The following PSRC1 variants were observed in gnomAD, a reference collection of about 807,000 sequenced individuals.
PSRC1 encodes proline/serine-rich coiled-coil protein 1.
A neutral mutation model predicts 31.9 loss-of-function variants in PSRC1; 30 were observed. The ratio of observed to expected loss-of-function variants is 0.94; its 90% CI spans 0.70 to 1.28. The LOEUF is 1.28. Among genes scored for constraint, PSRC1 ranks in the 50% most tolerant of loss-of-function variants. PSRC1 has a pLI of 0.00. For missense variants in PSRC1, 481 were observed against 472.8 expected, an observed-to-expected ratio of 1.02 and a Z score of -0.16; for synonymous variants, 191 against 192.1, an observed-to-expected ratio of 0.99 and a Z score of 0.05.
At chr1:109,280,372 T>C (rs2101333443) in intron 6 of PSRC1, 24 bp downstream of exon 7, 1 of 1,575,680 alleles carries the variant, frequency 6.3e-7, no homozygotes, top group Non-Finnish European at 8.7e-7. Flanking sequence ...GGAGACAGGA[T>C]GGGCAAGGGA....
exon 6 of PSRC1, chr1:109,280,441 C>T: frequency 6.2e-7 from 1 of 1,613,552 alleles, no homozygotes; most frequent in Non-Finnish European, 8.5e-7. Flanking sequence ...CTGCAGATTG[C>T]TGCGAGTGGC....
rs1361434771 is a variant in PSRC1, at chr1:109,280,162, G to T, written c.1089-6C>A. 1.2e-6 allele frequency: 2 copies of T among 1,613,360 alleles called. No homozygotes were observed. Among genetic ancestry groups the T allele is most frequent in the East Asian group, 2.2e-5 (1 of 44,888 alleles). ...TGCTGTCCTGATCTCTTTACCTAAAGAAATAGAAGGAATAACTGCTTTAAA... is the reference window on the plus strand; with the variant it reads ...TGCTGTCCTGATCTCTTTACCTAAATAAATAGAAGGAATAACTGCTTTAAA... On this transcript the variant is annotated splice_region_variant and splice_polypyrimidine_tract_variant and intron_variant, in intron 6 of 6. Coordinates refer to ENST00000409138, the Ensembl canonical transcript of PSRC1.
chr1:109,281,829 C>T (rs1557750478), exon 4 of PSRC1: 4 of 1,613,884 alleles, frequency 2.5e-6, no homozygotes, highest in Admixed American at 3.3e-5. Context: ...GGCGAGGCCC[C>T]AGGCCCTCGC....
exon 1 of PSRC1, chr1:109,283,098 T>C: frequency 3.5e-6 from 1 of 283,596 alleles, no homozygotes; most frequent in Non-Finnish European, 6.7e-6. Flanking sequence ...CCGCGCCGCC[T>C]TATCTTCCAC....
intron 5 of PSRC1, 36 bp downstream of exon 6, chr1:109,280,741 G>A (rs754518659): frequency 8.0e-6 from 12 of 1,504,520 alleles, no homozygotes; most frequent in Non-Finnish European, 1.1e-5. Flanking sequence ...AGGACACGCT[G>A]GGCAAGGGCG....
At chr1:109,282,599 G>C (rs767046200) in intron 2 of PSRC1, 24 bp from the exon 3 acceptor site, 1 of 1,613,020 alleles carries the variant, frequency 6.2e-7, no homozygotes, top group Non-Finnish European at 8.5e-7. Flanking sequence ...AAGAATGAAA[G>C]CCAGTCATGG....
At chr1:109,280,936 T>A in exon 5 of PSRC1, 1 of 1,613,364 alleles carries the variant, frequency 6.2e-7, no homozygotes, top group Non-Finnish European at 8.5e-7. Flanking sequence ...GCCGAGGGAA[T>A]GGGCAGTTGA....
chr1:109,280,788 C>T (rs920387969), exon 5 of PSRC1: 1 of 1,569,918 alleles, frequency 6.4e-7, no homozygotes, highest in African/African-American at 1.4e-5. Flanking sequence ...CTTGTGTCCA[C>T]TTTCCCGCAC....
chr1:109,282,383 T>A, intron 3 of PSRC1, 135 bp downstream of exon 3: 1 of 767,708 alleles, frequency 1.3e-6, no homozygotes, highest in Non-Finnish European at 2.2e-6. Flanking sequence ...GAGGCCCGAG[T>A]CAGCCAGCCG....
At chr1:109,281,162 G>A (rs372725080) in exon 5 of PSRC1, 261 of 1,613,340 alleles carry the variant, frequency 1.6e-4, no homozygotes, top group Middle Eastern at 1.3e-3. Flanking sequence ...CACTGGGCCC[G>A]GCTCTCCCCC....
At chr1:109,280,008 C>A in exon 7 of PSRC1, 2 of 1,017,048 alleles carry the variant, frequency 2.0e-6, no homozygotes, top group Non-Finnish European at 3.1e-6. Context: ...ATGGTCTCTA[C>A]TCCTGGGAGA....
chr1:109,282,563 A>G, exon 3 of PSRC1: 3 of 1,614,140 alleles, frequency 1.9e-6, no homozygotes, highest in Non-Finnish European at 2.5e-6. Flanking sequence ...CTCATCCACA[A>G]TAAACCTTAC....
Position 109,281,634 on chromosome 1 carries a change from G to A in PSRC1, c.504C>T (p.Pro168=), listed in dbSNP as rs115275666. Residue 168 remains proline, a synonymous_variant, in exon 4 of 7, where the codon CCC becomes CCT. Transcript: ENST00000409138. ...CTCAACTCACCCTCTTCATGTTGGA[G>A]GGCCTCTTTCCAGATGTAGCCCGGA... The A allele has an allele frequency of 6.5e-5, 105 of 1,611,650 alleles. No individual in the cohort carries two copies. The African/African-American group carries it at 1.3e-3, about 20-fold the overall frequency.
exon 2 of PSRC1, chr1:109,282,687 C>A: frequency 1.3e-6 from 2 of 1,556,612 alleles, no homozygotes; most frequent in East Asian, 2.4e-5. Context: ...TACCTTCCTC[C>A]AAATCCTCCA....
rs959932360 is a variant in PSRC1 at position 109,280,166 on chromosome 1, T to C, written c.1089-10A>G. 5.6e-6 allele frequency: 9 copies of C among 1,613,352 alleles called. No homozygotes were observed. The highest frequency in any genetic ancestry group is 3.3e-5 in the Admixed American group (2 of 60,004). Reference sequence around the variant, plus strand: ...GTCCTGATCTCTTTACCTAAAGAAATAGAAGGAATAACTGCTTTAAAATGC... The same window carrying C: ...GTCCTGATCTCTTTACCTAAAGAAACAGAAGGAATAACTGCTTTAAAATGC... On this transcript the variant is annotated splice_polypyrimidine_tract_variant and intron_variant, in intron 6 of 6. Coordinates refer to ENST00000409138, the Ensembl canonical transcript of PSRC1.
chr1:109,280,455 C>G, exon 6 of PSRC1: 1 of 1,613,610 alleles, frequency 6.2e-7, no homozygotes, highest in Non-Finnish European at 8.5e-7. Flanking sequence ...GAGTGGCACC[C>G]ATGACAGGAA....
At chr1:109,282,610 G>T (rs147287389) in intron 2 of PSRC1, 35 bp from the exon 3 acceptor site, 2 of 1,611,162 alleles carry the variant, frequency 1.2e-6, no homozygotes, top group East Asian at 4.5e-5. Context: ...CCAGTCATGG[G>T]TCCCTGATGC....
exon 7 of PSRC1, chr1:109,280,083 G>T: frequency 1.2e-6 from 2 of 1,610,544 alleles, no homozygotes; most frequent in Non-Finnish European, 1.7e-6. Flanking sequence ...AGGGTCTGCT[G>T]GGTAGAGGCG....
exon 7 of PSRC1, chr1:109,279,807 C>A (rs1209773599): frequency 9.0e-6 from 3 of 333,782 alleles, no homozygotes; most frequent in Non-Finnish European, 1.7e-5. Context: ...GAACCAATGC[C>A]AAGGAAGAAG....
Sources: gnomAD v4.1 joint callset for allele counts on GRCh38, gnomAD v4.1.1 for gene constraint, MANE v1.5 for transcripts, NCBI Gene and HGNC (gene_info 2026-07-23, HGNC 2026-07-21) for gene names.